The following NOD2 variants were observed in gnomAD, a reference collection of about 807,000 sequenced individuals.
The protein encoded by NOD2 is nucleotide-binding oligomerization domain-containing protein 2.
A neutral mutation model predicts 90.9 loss-of-function variants in NOD2; 86 were observed. That is an observed-to-expected ratio of 0.95 (90% confidence interval 0.79 to 1.13). NOD2 has a LOEUF of 1.13. NOD2 is among the 50% of genes most tolerant of loss of function. The pLI is 0.00. For missense variants in NOD2, 1,238 were observed against 1,283.8 expected (o/e 0.96, Z 0.55); for synonymous variants, 581 against 554.6 (o/e 1.05, Z -0.67).
intron 9 of NOD2, 88 bp downstream of exon 9, chr16:50,723,472 C>T (rs891017245): frequency 3.5e-5 from 40 of 1,151,208 alleles, no homozygotes; most frequent in Middle Eastern, 4.8e-4. Flanking sequence ...GTTGTGTGGA[C>T]AGACAAAGGT....
intron 1 of NOD2, among the ~76,000 whole-genome samples, chr16:50,699,190 A>T (rs1281988163): frequency 6.6e-6 from 1 of 152,088 alleles, no homozygotes; most frequent in Non-Finnish European, 1.5e-5. Flanking sequence ...TCTTGCTCCT[A>T]ATATTACCTC....
Position 50,699,817 on chromosome 16 carries a change from C to A in NOD2, c.322C>A (p.Gln108Lys), listed in dbSNP as rs572556762. The A allele has an allele frequency of 1.2e-6, 2 of 1,613,708 alleles. No homozygotes were observed. The highest frequency in any genetic ancestry group is 1.7e-5 in the Admixed American group (1 of 60,026). The change falls in exon 2 of 12, where the codon CAG (glutamine) becomes AAG (lysine). Residue 108 changes from glutamine to lysine, a missense_variant. By Grantham distance (53) the Gln-to-Lys change is moderately conservative. This residue lies in a region of NOD2 where 567 missense variants were observed against 577.3 expected (regional missense o/e 0.98). Coordinates refer to ENST00000647318, the MANE Select transcript of NOD2 (RefSeq NM_001370466.1). ...PHSLHPARDL[Q>K]SHRPAIVRRL... The stretch of plus-strand genomic sequence containing the variant: ...CTCGCTCCACCCAGCCCGAGACCTG[C>A]AGAGTCACCGGCCAGCCATTGTCAG...
intron 1 of NOD2, 99 bp from the exon 2 acceptor site, chr16:50,699,389 A>G: frequency 2.1e-6 from 2 of 955,114 alleles, no homozygotes; most frequent in Non-Finnish European, 3.4e-6. Context: ...AACCATGGCC[A>G]ACTCGGGTTC....
Position 50,712,016 on chromosome 16 carries a change from G to A in NOD2, c.2024G>A (p.Arg675Gln), listed in dbSNP as rs139104022. The A allele has an allele frequency of 2.2e-5, 36 of 1,613,042 alleles. No homozygotes were observed. The highest frequency in any genetic ancestry group is 1.6e-4 in the Middle Eastern group (1 of 6,080). Residue 675 changes from arginine to glutamine, a missense_variant, in exon 4 of 12, where the codon CGG becomes CAG. Arg to Gln is a conservative substitution (Grantham distance 43, BLOSUM62 1). Transcript: ENST00000647318. ...ECQTSEKALL[R>Q]RQACARWCLA... ...CAGACATCTGAGAAGGCCCTGCTCC[G>A]GCGCCAGGCCTGTGCCCGCTGGTGT...
chr16:50,711,750 C>T lies in NOD2; in HGVS notation c.1758C>T (p.Phe586=), dbSNP rs149870902. The T allele has an allele frequency of 5.9e-5, 95 of 1,614,240 alleles. No homozygotes were observed. The African/African-American group carries it at 8.3e-4, about 14-fold the overall frequency. ...HITFQCFFAA[F]YLALSADVPP... is the part of the protein sequence containing the mutation. The stretch of plus-strand genomic sequence containing the variant: ...CTTTCCAGTGCTTCTTTGCCGCGTT[C>T]TACCTGGCACTCAGTGCTGATGTGC... Residue 586 remains phenylalanine, a synonymous_variant, in exon 4 of 12, where the codon TTC becomes TTT. Transcript: ENST00000647318.
Position 50,711,287 on chromosome 16 carries a change from G to T in NOD2, c.1295G>T (p.Arg432Leu), listed in dbSNP as rs753458507. The change falls in exon 4 of 12, where the codon CGC becomes CTC. Residue 432 changes from arginine (R) to leucine (L), a missense_variant. By Grantham distance (102) the Arg-to-Leu change is moderately radical. Transcript: ENST00000647318. Reference sequence around the variant, plus strand: ...GGCATCGAGCTGTACCTGAGGAAGCGCCATCATGAGCCCGGGGTGGCGGAC... The same window carrying T: ...GGCATCGAGCTGTACCTGAGGAAGCTCCATCATGAGCCCGGGGTGGCGGAC... ...EQGIELYLRK[R>L]HHEPGVADRL... 6.2e-7 allele frequency: 1 copy of T among 1,613,684 alleles called. No homozygotes were observed. Among genetic ancestry groups the T allele is most frequent in the South Asian group, 1.1e-5 (1 of 91,088 alleles).
intron 11 of NOD2, 51 bp downstream of exon 11, chr16:50,729,952 A>C: frequency 7.3e-7 from 1 of 1,373,498 alleles, no homozygotes; most frequent in Non-Finnish European, 1.0e-6. Context: ...CAGTTTTTCT[A>C]TCTGTAAAAT....
In NOD2 at chr16:50,711,738, C is replaced by G. The variant is rs1321541342; in HGVS notation, c.1746C>G (p.Phe582Leu). 6.2e-7 allele frequency: 1 copy of G among 1,614,234 alleles called. No homozygotes were observed. The highest frequency in any genetic ancestry group is 8.5e-7 in the Non-Finnish European group (1 of 1,180,056). ...TCCTTCACATCACTTTCCAGTGCTT[C>G]TTTGCCGCGTTCTACCTGGCACTCA... ...LEFLHITFQC[F>L]FAAFYLALSA... The change falls in exon 4 of 12, where the codon TTC (phenylalanine) becomes TTG (leucine). Residue 582 changes from phenylalanine to leucine, a missense_variant. Phe to Leu is a conservative substitution (Grantham distance 22, BLOSUM62 0). Transcript: ENST00000647318.
rs199475908 is a variant in NOD2 at position 50,697,082 on chromosome 16, T to C, written c.-8-2406T>C. 106 of 692,012 alleles carry C rather than the reference T, an allele frequency of 1.5e-4. No homozygotes were observed. In the African/African-American group the frequency reaches 1.7e-3, roughly 11 times the overall value. 42.9% of individuals were successfully genotyped at this position (692,012 alleles called of 1,614,324 possible). A position where few individuals can be genotyped will look rare whatever the true frequency, so the allele number is the denominator to read the frequency against. On this transcript the variant is annotated intron_variant, in intron 1 of 11. Transcript: ENST00000647318. ...GAATTGCCTAGTTCTGGAAGGCTGG[T>C]TGGCCAACTCTGGCCTCCGGCTTTT...
In NOD2 at chr16:50,729,897, G is replaced by A. The variant is rs574467124; in HGVS notation, c.2965G>A (p.Val989Ile). ...TGAAAGGAATGACACCATCCTGGAA[G>A]TCTGGTAAGGCCCCTGGGCAGGCCT... ...ALERNDTILE[V>I]WLRGNTFSLE... Residue 989 changes from valine to isoleucine, a missense_variant, in exon 11 of 12, where the codon GTC (valine) becomes ATC (isoleucine). Transcript: ENST00000647318. 6.2e-7 allele frequency: 1 copy of A among 1,612,428 alleles called. No individual in the cohort carries two copies. The highest frequency in any genetic ancestry group is 1.1e-5 in the South Asian group (1 of 91,026).
At position 50,731,077 on chromosome 16, in the gene NOD2, G is replaced by A. The variant is rs79984321; in HGVS notation, c.2970-670G>A. Among the ~76,000 whole-genome samples, 892 of 152,212 alleles carry A rather than the reference G, an allele frequency of 5.9e-3. 34 individuals are homozygous for A. The East Asian group carries it at 0.085, about 14-fold the overall frequency. On this transcript the variant is annotated intron_variant, in intron 11 of 11. Coordinates refer to ENST00000647318, the MANE Select transcript of NOD2 (RefSeq NM_001370466.1). Reference sequence around the variant, plus strand: ...CCTAGCCACTTGGGAGGCTGGGATGGAAGGATCCCTTGAACCCAGGAGTTC... The same window carrying A: ...CCTAGCCACTTGGGAGGCTGGGATGAAAGGATCCCTTGAACCCAGGAGTTC...
Position 50,699,826 on chromosome 16 carries a change from CG to C in NOD2, c.333del (p.Pro112GlnfsTer52), listed in dbSNP as rs776176047. 1.2e-6 allele frequency: 2 copies of C among 1,613,512 alleles called. No homozygotes were observed. Among genetic ancestry groups the C allele is most frequent in the Non-Finnish European group, 1.7e-6 (2 of 1,179,954 alleles). On this transcript the variant is annotated frameshift_variant, in exon 2 of 12. Coordinates refer to ENST00000647318, the MANE Select transcript of NOD2 (RefSeq NM_001370466.1). LOFTEE classifies it high-confidence loss of function. Reference protein sequence around the residue: ...LHPARDLQSHRPAIVRRLHSH... With the variant: ...LHPARDLQSHXPAIVRRLHSH... ...CCCAGCCCGAGACCTGCAGAGTCACCGGCCAGCCATTGTCAGGAGGCTCCAC... is the reference window on the plus strand; with the variant it reads ...CCCAGCCCGAGACCTGCAGAGTCACCGCCAGCCATTGTCAGGAGGCTCCAC...
rs750410680 is a variant in NOD2, at chr16:50,712,210, C to T, written c.2218C>T (p.Leu740Phe). The T allele has an allele frequency of 4.3e-6, 7 of 1,613,806 alleles. No homozygotes were observed. Among genetic ancestry groups the T allele is most frequent in the South Asian group, 1.1e-5 (1 of 91,096 alleles). Reference protein sequence around the residue: ...KAARGLNVGHLKLTFCSVGPT... With the variant: ...KAARGLNVGHFKLTFCSVGPT... ...TGCACGTGGCCTGAATGTTGGGCAC[C>T]TCAAGTTGACATTTTGCAGTGTGGG... Residue 740 changes from leucine (L) to phenylalanine (F), a missense_variant, in exon 4 of 12, where the codon CTC becomes TTC. Physicochemically the swap from Leu to Phe is conservative, Grantham distance 22. Transcript: ENST00000647318.
intron 4 of NOD2, chr16:50,712,669 T>C: frequency 2.2e-6 from 1 of 458,922 alleles, no homozygotes; most frequent in Admixed American, 3.6e-5. Flanking sequence ...TCCATTATCC[T>C]TGACTTGAGG....
intron 5 of NOD2, 99 bp from the exon 6 acceptor site, chr16:50,716,792 A>G (rs1964818868): frequency 1.4e-6 from 2 of 1,456,780 alleles, no homozygotes; most frequent in Admixed American, 1.7e-5. Context: ...TGGGGGGTGC[A>G]GGTGATTCCT....
rs1963863474 is a variant in NOD2 at position 50,699,963 on chromosome 16, C to G, written c.459+9C>G. The G allele has an allele frequency of 6.2e-7, 1 of 1,600,502 alleles. No homozygotes were observed. The highest frequency in any genetic ancestry group is 1.1e-5 in the South Asian group (1 of 91,032). On this transcript the variant is annotated intron_variant, in intron 2 of 11. Transcript: ENST00000647318. ...TCACACCGTCCCAGAGGGTGAGGCA[C>G]TCCTGGTGTGCATCACAGAGTTCTC...
At chr16:50,708,896 C>T (rs980925789) in intron 3 of NOD2, among the ~76,000 whole-genome samples, 7 of 152,222 alleles carry the variant, frequency 4.6e-5, no homozygotes, top group African/African-American at 9.6e-5. Context: ...GCAGGGTGCG[C>T]GGCACGGAGT....
chr16:50,697,594 CT>C (rs1372004815), intron 1 of NOD2: 2 of 493,530 alleles, frequency 4.1e-6, no homozygotes, highest in South Asian at 4.0e-5. Context: ...CTCTCTTCCC[CT>C]GTCCTCGGCC....
intron 4 of NOD2, chr16:50,713,333 T>C (rs892789450): frequency 6.6e-6 from 1 of 152,162 alleles, no homozygotes; most frequent in African/African-American, 2.4e-5. Flanking sequence ...CTGAGAGTAT[T>C]AGGATGGTAT....
Sources: gnomAD v4.1 joint callset for allele counts (sites outside exome capture counted in the v4.1 genomes callset) on GRCh38, gnomAD v4.1.1 for gene constraint, gnomAD v4.1.1 regional missense constraint, MANE v1.5 for transcripts, NCBI Gene and HGNC (gene_info 2026-07-23, HGNC 2026-07-21) for gene names.